Variants in BMP1 observed in about 807,000 individuals in gnomAD.
BMP1 encodes bone morphogenetic protein 1, also known as mammalian tolloid protein.
BMP1 carries 63 observed loss-of-function variants against 116.8 expected under a neutral mutation model. That is an observed-to-expected ratio of 0.54 (90% confidence interval 0.44 to 0.67). The LOEUF (loss-of-function observed/expected upper bound fraction) is 0.67, where lower values mean the gene tolerates loss of function less well. Among genes scored for constraint, BMP1 ranks in the 30% least tolerant of loss-of-function variants. The pLI is 0.00. For synonymous variants in BMP1, 536 were observed against 533.4 expected (o/e 1.00, Z -0.07); for missense variants, 1,183 against 1,358.9 (o/e 0.87, Z 2.04).
chr8:22,196,547 C>A, intron 13 of BMP1, 133 bp from the exon 14 acceptor site: 1 of 1,394,422 alleles, frequency 7.2e-7, no homozygotes, highest in Non-Finnish European at 9.9e-7. Context: ...CCAGAGGGAC[C>A]AGACACAGGT....
rs374904129 is a variant in BMP1 at position 22,196,752 on chromosome 8, C to T, written c.1838C>T (p.Pro613Leu). 23 of 1,614,122 alleles carry T rather than the reference C, an allele frequency of 1.4e-5. No homozygotes were observed. The Middle Eastern group carries it at 8.2e-4, about 58-fold the overall frequency. Reference protein sequence around the residue: ...TSPGWPKEYPPNKNCIWQLVA... With the variant: ...TSPGWPKEYPLNKNCIWQLVA... ...CCGGGCTGGCCCAAGGAGTACCCCC[C>T]CAACAAGAACTGCATCTGGCAGCTG... Residue 613 changes from proline to leucine, a missense_variant, in exon 14 of 20, where the codon CCC becomes CTC. Pro to Leu is a moderately conservative substitution (Grantham distance 98, BLOSUM62 -3). Coordinates refer to ENST00000306385, the MANE Select transcript of BMP1 (RefSeq NM_006129.5).
intron 18 of BMP1, among the ~76,000 whole-genome samples, chr8:22,208,204 A>G (rs1563281789): frequency 6.6e-6 from 1 of 152,208 alleles, no homozygotes; most frequent in Non-Finnish European, 1.5e-5. Flanking sequence ...ATACTTATTG[A>G]CATGTAACAT....
intron 8 of BMP1, among the ~76,000 whole-genome samples, chr8:22,182,476 C>T (rs557721490): frequency 6.6e-6 from 1 of 152,342 alleles, no homozygotes; most frequent in African/African-American, 2.4e-5. Flanking sequence ...GATGTACGCT[C>T]CTTCTGAGAC....
intron 16 of BMP1, among the ~76,000 whole-genome samples, chr8:22,203,130 GT>G (rs1829294756): frequency 6.6e-6 from 1 of 152,232 alleles, no homozygotes; most frequent in Non-Finnish European, 1.5e-5. Flanking sequence ...GGATTCCACT[GT>G]GGCCCTTGCC....
intron 19 of BMP1, among the ~76,000 whole-genome samples, chr8:22,210,862 T>G (rs1346064878): frequency 6.6e-6 from 1 of 152,148 alleles, no homozygotes; most frequent in Non-Finnish European, 1.5e-5. Flanking sequence ...GGAAGGAACT[T>G]GGGGAAGGAT....
Position 22,201,833 on chromosome 8 carries a change from G to A in BMP1, c.2138G>A (p.Gly713Asp), listed in dbSNP as rs1463454887. The A allele has an allele frequency of 6.2e-7, 1 of 1,613,386 alleles. No individual in the cohort carries two copies. The highest frequency in any genetic ancestry group is 1.1e-5 in the South Asian group (1 of 91,070). ...DKDECSKDNG[G>D]CQQDCVNTFG... ...GACGAGTGCTCCAAGGATAACGGCG[G>A]CTGCCAGCAGGACTGCGTCAACACG... Residue 713 changes from glycine to aspartate, a missense_variant, in exon 16 of 20, where the codon GGC becomes GAC. Around this residue, in one of 4 missense-constraint regions of BMP1, gnomAD observed 956 missense variants for 1,135.2 expected, o/e 0.84. Coordinates refer to ENST00000306385, the MANE Select transcript of BMP1 (RefSeq NM_006129.5).
chr8:22,166,262 T>C (rs1586429444), intron 1 of BMP1, among the ~76,000 whole-genome samples: 1 of 150,146 alleles, frequency 6.7e-6, no homozygotes, highest in African/African-American at 2.5e-5. Flanking sequence ...CAAGTTGGGG[T>C]GGAAAGAGGG....
At chr8:22,203,210 T>C (rs1047826260) in intron 16 of BMP1, among the ~76,000 whole-genome samples, 1 of 152,086 alleles carries the variant, frequency 6.6e-6, no homozygotes, top group Non-Finnish European at 1.5e-5. Context: ...TGTGTGACTT[T>C]GGGTGAGTCA....
At chr8:22,175,100 A>T (rs1321683241) in intron 2 of BMP1, among the ~76,000 whole-genome samples, 1 of 152,200 alleles carries the variant, frequency 6.6e-6, no homozygotes, top group Non-Finnish European at 1.5e-5. Flanking sequence ...AGTAAGGCTC[A>T]TGTGACCTTA....
chr8:22,181,967 A>G (rs972314652), intron 8 of BMP1, among the ~76,000 whole-genome samples: 38 of 152,194 alleles, frequency 2.5e-4, no homozygotes, highest in Admixed American at 2.5e-3. Context: ...TTCCCATGTC[A>G]GCCCTCCTAA....
intron 8 of BMP1, among the ~76,000 whole-genome samples, chr8:22,188,114 C>G (rs1472683443): frequency 6.6e-6 from 1 of 151,884 alleles, no homozygotes; most frequent in African/African-American, 2.4e-5. Flanking sequence ...GACTCTGTAC[C>G]CCATATCTCA....
At chr8:22,184,906 G>A (rs1048525712) in intron 8 of BMP1, among the ~76,000 whole-genome samples, 4 of 152,206 alleles carry the variant, frequency 2.6e-5, no homozygotes, top group Non-Finnish European at 5.9e-5. Context: ...CGTCTATTTT[G>A]GCTGTGGGGA....
At chr8:22,197,149 A>AAGTG in intron 14 of BMP1, 91 bp from the exon 15 acceptor site, 1 of 1,497,406 alleles carries the variant, frequency 6.7e-7, no homozygotes, top group Non-Finnish European at 9.1e-7. Context: ...TCAAGGCTAA[A>AAGTG]GGATGTGCAG....
At chr8:22,210,441 C>A (rs1158763746) in intron 19 of BMP1, among the ~76,000 whole-genome samples, 1 of 120,324 alleles carries the variant, frequency 8.3e-6, no homozygotes, top group Non-Finnish European at 1.7e-5. Flanking sequence ...ATCTCTCTCT[C>A]TTTCCCTCTC....
rs1326337316 is a variant in BMP1, at chr8:22,180,372, T to C, written c.966T>C (p.Cys322=). 6.2e-7 allele frequency: 1 copy of C among 1,613,044 alleles called. No homozygotes were observed. The highest frequency in any genetic ancestry group is 2.2e-5 in the East Asian group (1 of 44,872). Residue 322 remains cysteine (C), a synonymous_variant, in exon 8 of 20, where the codon TGT becomes TGC. Transcript: ENST00000306385. ...TGTCATTTCCTTTCCTCACAGCCTG[T>C]GGAGAGACCCTGCAAGACAGCACAG... is the stretch of plus-strand genomic sequence containing the variant. ...QARKLYKCPA[C]GETLQDSTGN...
At chr8:22,185,899 G>T (rs1828757039) in intron 8 of BMP1, among the ~76,000 whole-genome samples, 1 of 138,162 alleles carries the variant, frequency 7.2e-6, no homozygotes, top group Non-Finnish European at 1.5e-5. Flanking sequence ...GCAATGACAC[G>T]ATCTTGGCTC....
intron 6 of BMP1, among the ~76,000 whole-genome samples, chr8:22,178,960 A>G (rs1199976727): frequency 1.3e-5 from 2 of 152,050 alleles, no homozygotes; most frequent in African/African-American, 2.4e-5. Flanking sequence ...TGGTGAGGTC[A>G]TTCTGCCCCC....
At chr8:22,197,906 C>T (rs963447752) in intron 15 of BMP1, among the ~76,000 whole-genome samples, 17 of 152,142 alleles carry the variant, frequency 1.1e-4, no homozygotes, top group Non-Finnish European at 1.6e-4. Flanking sequence ...GAGTCGTGGC[C>T]GGGCGCGGTG....
At chr8:22,187,073 CT>C (rs1828792818) in intron 8 of BMP1, among the ~76,000 whole-genome samples, 1 of 151,930 alleles carries the variant, frequency 6.6e-6, no homozygotes, top group Non-Finnish European at 1.5e-5. Context: ...TCACTGCAAC[CT>C]CTGCATCTCG....
Sources: allele counts gnomAD v4.1 joint callset (sites outside exome capture counted in the v4.1 genomes callset), GRCh38; gene constraint gnomAD v4.1.1; regional missense constraint gnomAD v4.1.1; transcripts MANE v1.5; gene names NCBI Gene and HGNC (gene_info 2026-07-23, HGNC 2026-07-21).